SLC25A43: variants seen among roughly 807,000 people sequenced by gnomAD.
SLC25A43 encodes solute carrier family 25, member 43.
SLC25A43 carries 10 observed loss-of-function variants against 22.8 expected under a neutral mutation model. The ratio of observed to expected loss-of-function variants is 0.44; its 90% CI spans 0.27 to 0.74. The LOEUF (loss-of-function observed/expected upper bound fraction) is 0.74, where lower values mean the gene tolerates loss of function less well. Among genes scored for constraint, SLC25A43 ranks in the 30% least tolerant of loss-of-function variants. The pLI is 0.17. For synonymous variants in SLC25A43, 106 were observed against 121.6 expected, an observed-to-expected ratio of 0.87 and a Z score of 0.84; for missense variants, 233 against 279.1, an observed-to-expected ratio of 0.83 and a Z score of 1.18.
chrX:119,418,103 C>T (rs111300092), intron 3 of SLC25A43, among the ~76,000 whole-genome samples: 2,801 of 111,038 alleles, frequency 0.025, 76 homozygotes, highest in African/African-American at 0.082. Flanking sequence ...TGATCTCTGT[C>T]CAGTTAACAA....
At chrX:119,405,961 A>G (rs2052293809) in intron 1 of SLC25A43, among the ~76,000 whole-genome samples, 1 of 111,532 alleles carries the variant, frequency 9.0e-6, no homozygotes, top group South Asian at 3.8e-4. Flanking sequence ...GAACCTGGGG[A>G]ACGGAAGTTG....
At chrX:119,444,800 C>T (rs1184445960) in intron 3 of SLC25A43, among the ~76,000 whole-genome samples, 2 of 109,450 alleles carry the variant, frequency 1.8e-5, no homozygotes, top group Non-Finnish European at 3.8e-5. Context: ...TTTGGCAGGC[C>T]GAGGTGGGTG....
rs1256468317 is a variant in SLC25A43, at chrX:119,448,013, AAAAAAC to A, written c.691-3984_691-3979del. On this transcript the variant is annotated intron_variant, in intron 3 of 4. Transcript: ENST00000217909. ...ACTCCTGATGTTTTCACCCACCCTC[AAAAAAC>A]AAAAACAAAAAGCCAACCTGCTTCT... is the stretch of plus-strand genomic sequence containing the variant. 3.1e-4 allele frequency among the ~76,000 whole-genome samples: 34 copies of A among 111,269 alleles called. No individual in the cohort carries two copies. The Admixed American group carries it at 3.3e-3, about 11-fold the overall frequency.
chrX:119,451,011 A>C (rs2052702652), intron 3 of SLC25A43, among the ~76,000 whole-genome samples: 1 of 110,708 alleles, frequency 9.0e-6, no homozygotes, highest in East Asian at 2.8e-4. Flanking sequence ...AAAAATATAA[A>C]AATTAGCCAG....
intron 3 of SLC25A43, among the ~76,000 whole-genome samples, chrX:119,425,725 G>A (rs1202042039): frequency 3.6e-5 from 4 of 110,159 alleles, no homozygotes; most frequent in African/African-American, 1.3e-4. Context: ...AAAGTGAAAG[G>A]AAAGGAAAAG....
chrX:119,448,687 A>G (rs1483822872), intron 3 of SLC25A43, among the ~76,000 whole-genome samples: 1 of 111,615 alleles, frequency 9.0e-6, no homozygotes, highest in Non-Finnish European at 1.9e-5. Context: ...AGCATCCTCC[A>G]GACACTCCTT....
At chrX:119,449,404 ACT>A in intron 3 of SLC25A43, among the ~76,000 whole-genome samples, 1 of 67,338 alleles carries the variant, frequency 1.5e-5, no homozygotes, top group East Asian at 4.3e-4. Flanking sequence ...ACAGAGCGAG[ACT>A]CTGTCTCAAA....
intron 3 of SLC25A43, among the ~76,000 whole-genome samples, chrX:119,411,245 A>T: frequency 8.9e-6 from 1 of 111,936 alleles, no homozygotes; most frequent in Admixed American, 9.5e-5. Context: ...TCATGCCTGT[A>T]ATCCCAGCAC....
chrX:119,420,792 A>T (rs951951425), intron 3 of SLC25A43, among the ~76,000 whole-genome samples: 1 of 112,048 alleles, frequency 8.9e-6, no homozygotes, highest in Admixed American at 9.5e-5. Flanking sequence ...AACCCAGATA[A>T]CATACACTCA....
chrX:119,447,198 C>T (rs1481864645), intron 3 of SLC25A43, among the ~76,000 whole-genome samples: 1 of 112,207 alleles, frequency 8.9e-6, no homozygotes, highest in Non-Finnish European at 1.9e-5. Context: ...AGGTGATCCA[C>T]TTGCCTTGGC....
chrX:119,453,159 G>T lies in SLC25A43; in HGVS notation c.*94G>T, dbSNP rs1341564080. The stretch of plus-strand genomic sequence containing the variant: ...CTGTGCACCTGAGGAGGGATGAGAA[G>T]CTACTGCTATCTGCTGCTCTGGGAA... On this transcript the variant is annotated 3_prime_UTR_variant, in exon 5 of 5. Transcript: ENST00000217909. 1.3e-6 allele frequency: 1 copy of T among 759,188 alleles called. No homozygotes were observed. Among genetic ancestry groups the T allele is most frequent in the Non-Finnish European group, 2.0e-6 (1 of 508,324 alleles). 62.6% of individuals were successfully genotyped at this position (759,188 alleles called of 1,213,427 possible).
chrX:119,405,398 C>G (rs1333626130), intron 1 of SLC25A43, among the ~76,000 whole-genome samples: 2 of 109,763 alleles, frequency 1.8e-5, no homozygotes, highest in East Asian at 2.9e-4. Flanking sequence ...CTATGGGCAA[C>G]TGAAAGAACA....
chrX:119,447,590 G>C (rs2052678005), intron 3 of SLC25A43, among the ~76,000 whole-genome samples: 1 of 109,702 alleles, frequency 9.1e-6, no homozygotes, highest in Non-Finnish European at 1.9e-5. Flanking sequence ...TTGCACATGT[G>C]AGCCACTGCA....
At chrX:119,409,155 A>ATTTT (rs2052324672) in intron 2 of SLC25A43, among the ~76,000 whole-genome samples, 1 of 104,695 alleles carries the variant, frequency 9.6e-6, no homozygotes, top group South Asian at 4.3e-4. Flanking sequence ...GTCCATTTTT[A>ATTTT]TTTTATTTAT....
At chrX:119,429,778 T>G (rs1394619139) in intron 3 of SLC25A43, among the ~76,000 whole-genome samples, 2 of 111,433 alleles carry the variant, frequency 1.8e-5, no homozygotes, top group African/African-American at 6.5e-5. Context: ...CGTGTGGAGG[T>G]CTCAGAAGAT....
Position 119,399,656 on chromosome X carries a change from G to A in SLC25A43, c.253G>A (p.Val85Met), listed in dbSNP as rs759116506. Residue 85 changes from valine (V) to methionine (M), a missense_variant, in exon 1 of 5, where the codon GTG becomes ATG. Coordinates refer to ENST00000217909, the MANE Select transcript of SLC25A43 (RefSeq NM_145305.3). Reference protein sequence around the residue: ...ACLRLFPCSAVQLAAYRKFVV... With the variant: ...ACLRLFPCSAMQLAAYRKFVV... ...CCTGCGCCTCTTCCCCTGCAGCGCC[G>A]TGCAGCTCGCCGCCTACCGCAAGTA... 5 of 992,265 alleles carry A rather than the reference G, an allele frequency of 5.0e-6. No individual in the cohort carries two copies. Among genetic ancestry groups the A allele is most frequent in the East Asian group, 4.1e-5 (1 of 24,116 alleles). The allele number at this position is 992,265 out of a possible 1,213,427, so 81.8% of individuals were successfully genotyped here.
chrX:119,452,980 A>C lies in SLC25A43; in HGVS notation c.941A>C (p.Asp314Ala), dbSNP rs2052717264. 8.3e-7 allele frequency: 1 copy of C among 1,209,987 alleles called. No homozygotes were observed. The highest frequency in any genetic ancestry group is 1.8e-5 in the South Asian group (1 of 56,842). Residue 314 changes from aspartate to alanine, a missense_variant, in exon 5 of 5, where the codon GAT becomes GCT. Physicochemically the swap from Asp to Ala is moderately radical, Grantham distance 126 (BLOSUM62 -2). Transcript: ENST00000217909. Reference sequence around the variant, plus strand: ...AGCTATAAATTGACCCCAGGAGTCGATCAGAGTTTGCAGCCCCAGGAATTA... The same window carrying C: ...AGCTATAAATTGACCCCAGGAGTCGCTCAGAGTTTGCAGCCCCAGGAATTA... Reference protein sequence around the residue: ...PLSYKLTPGVDQSLQPQELRE... With the variant: ...PLSYKLTPGVAQSLQPQELRE...
chrX:119,450,633 G>T (rs2052698922), intron 3 of SLC25A43, among the ~76,000 whole-genome samples: 1 of 111,912 alleles, frequency 8.9e-6, no homozygotes, highest in Non-Finnish European at 1.9e-5. Context: ...TCTTACTGTT[G>T]TACCACACCT....
chrX:119,434,043 G>A (rs1385863981), intron 3 of SLC25A43, among the ~76,000 whole-genome samples: 4 of 111,697 alleles, frequency 3.6e-5, no homozygotes, highest in Admixed American at 9.6e-5. Context: ...AGTAGTGTGG[G>A]CAAAAGATGA....
Sources: gnomAD v4.1 joint callset for allele counts (sites outside exome capture counted in the v4.1 genomes callset) on GRCh38, gnomAD v4.1.1 for gene constraint, MANE v1.5 for transcripts, NCBI Gene and HGNC (gene_info 2026-07-23, HGNC 2026-07-21) for gene names.